The following FHIP2B variants were observed in gnomAD, a reference collection of about 807,000 sequenced individuals.
The protein encoded by FHIP2B is FHF complex subunit HOOK-interacting protein 2B.
In FHIP2B, 72 loss-of-function variants were observed where a neutral mutation model predicts 84.0. The ratio of observed to expected loss-of-function variants is 0.86; its 90% CI spans 0.71 to 1.04. The LOEUF (loss-of-function observed/expected upper bound fraction) is 1.04. Among genes scored for constraint, FHIP2B ranks in the 50% least tolerant of loss-of-function variants. FHIP2B has a pLI of 0.00. For missense variants in FHIP2B, 972 were observed against 968.9 expected, an observed-to-expected ratio of 1.00 and a Z score of -0.04; for synonymous variants, 497 against 418.7, an observed-to-expected ratio of 1.19 and a Z score of -2.28.
At chr8:22,090,153 T>TGGGC (rs1554573643) in intron 1 of FHIP2B, among the ~76,000 whole-genome samples, 2 of 97,796 alleles carry the variant, frequency 2.0e-5, no homozygotes, top group Non-Finnish European at 4.2e-5. Flanking sequence ...CCCGGTAGGG[T>TGGGC]GGGGGGGGTG....
At chr8:22,102,765 C>A in intron 16 of FHIP2B, 28 bp from the exon 17 acceptor site, 1 of 1,610,688 alleles carries the variant, frequency 6.2e-7, no homozygotes, top group Non-Finnish European at 8.5e-7. Flanking sequence ...CCCCACCCAG[C>A]CATGCCCCCT....
chr8:22,096,257 C>T (rs1586324344), intron 2 of FHIP2B, 80 bp from the exon 3 acceptor site: 1 of 1,390,408 alleles, frequency 7.2e-7, no homozygotes, highest in Non-Finnish European at 9.6e-7. Context: ...CCTTTCTGGG[C>T]TTTGGCAGGA....
At chr8:22,098,376 T>G in intron 6 of FHIP2B, 47 bp from the exon 7 acceptor site, 1 of 1,534,290 alleles carries the variant, frequency 6.5e-7, no homozygotes, top group Non-Finnish European at 8.8e-7. Flanking sequence ...GGGGGGTGAT[T>G]TGGGGGCTCA....
chr8:22,093,728 T>TTTTTTG (rs1226550760), intron 1 of FHIP2B, among the ~76,000 whole-genome samples: 12 of 134,622 alleles, frequency 8.9e-5, no homozygotes, highest in Non-Finnish European at 1.6e-4. Flanking sequence ...TTTTTTTTTT[T>TTTTTTG]TTTTTTGAGA....
chr8:22,089,157 T>A lies in FHIP2B; in HGVS notation c.-97T>A. On this transcript the variant is annotated 5_prime_UTR_variant, in exon 1 of 17. Coordinates refer to ENST00000289921, the MANE Select transcript of FHIP2B (RefSeq NM_022749.7). ...GCGGAGCGGCCGGGCCCCGCCCCCC[T>A]CGTCGCGCCGGGGCCGCCGGGGCCA... 1 of 756,540 alleles carries A rather than the reference T, an allele frequency of 1.3e-6. No homozygotes were observed. The highest frequency in any genetic ancestry group is 1.6e-6 in the Non-Finnish European group (1 of 613,802). 46.9% of individuals were successfully genotyped at this position (756,540 alleles called of 1,614,324 possible).
At chr8:22,098,662 C>T in intron 7 of FHIP2B, 43 bp downstream of exon 7, 6 of 1,490,044 alleles carry the variant, frequency 4.0e-6, no homozygotes, top group Non-Finnish European at 3.6e-6. Flanking sequence ...TCTTCAGTTG[C>T]TGGCAGCCCT....
At chr8:22,091,743 T>C (rs1407212311) in intron 1 of FHIP2B, among the ~76,000 whole-genome samples, 2 of 152,210 alleles carry the variant, frequency 1.3e-5, no homozygotes, top group Non-Finnish European at 2.9e-5. Flanking sequence ...CTCAAGGTTT[T>C]CAAAGACTAT....
At chr8:22,101,007 GTTTTA>G (rs748072733) in intron 12 of FHIP2B, 35 bp downstream of exon 12, 117 of 1,592,574 alleles carry the variant, frequency 7.3e-5, no homozygotes, top group South Asian at 4.4e-4. Context: ...AACCACTTGA[GTTTTA>G]TTTTATTTTA....
At chr8:22,089,377 G>A in intron 1 of FHIP2B, 79 bp downstream of exon 1, 1 of 876,638 alleles carries the variant, frequency 1.1e-6, no homozygotes, top group Non-Finnish European at 1.4e-6. Context: ...GCCGGGCGCG[G>A]CCCGCAGGAG....
In FHIP2B at chr8:22,103,812, C is replaced by T. The variant is rs1026590200; in HGVS notation, c.*881C>T. 2 of 152,466 alleles carry T rather than the reference C, an allele frequency of 1.3e-5. No homozygotes were observed. Among genetic ancestry groups the T allele is most frequent in the East Asian group, 3.9e-4 (2 of 5,188 alleles). The allele number at this position is 152,466 out of a possible 1,614,324, so 9.4% of individuals were successfully genotyped here. A position where few individuals can be genotyped will look rare whatever the true frequency, so the allele number is the denominator to read the frequency against. ...GGGGACAGATAAGGGAAGGACGCCC[C>T]CTGACTCCAGGCCCCTGAGCCTGGC... On this transcript the variant is annotated 3_prime_UTR_variant, in exon 17 of 17. Coordinates refer to ENST00000289921, the MANE Select transcript of FHIP2B (RefSeq NM_022749.7).
chr8:22,095,384 T>G (rs1825706254), intron 2 of FHIP2B: 1 of 152,242 alleles, frequency 6.6e-6, no homozygotes, highest in Non-Finnish European at 1.5e-5. Flanking sequence ...AATTCTGGCC[T>G]CTACCCACTA....
chr8:22,101,966 C>T, intron 14 of FHIP2B, 115 bp downstream of exon 14: 4 of 1,506,654 alleles, frequency 2.7e-6, no homozygotes, highest in Non-Finnish European at 3.5e-6. Flanking sequence ...CACCCCTGTC[C>T]TTTCCCCAGG....
rs542155258 is a variant in FHIP2B at position 22,089,509 on chromosome 8, ACCGCCCCACCTCCCCGG to A, written c.45+214_45+230del. 4.8e-3 allele frequency among the ~76,000 whole-genome samples: 725 copies of A among 151,452 alleles called. 4 individuals carry two copies. The highest frequency in any genetic ancestry group is 0.017 in the African/African-American group (700 of 41,286). ...CAGTCCCGCTCCCAGACTCCTCCCGACCGCCCCACCTCCCCGGCCTGCTCCCGCGTCGCTTCCTGTCT... is the reference window on the plus strand; with the variant it reads ...CAGTCCCGCTCCCAGACTCCTCCCGACCTGCTCCCGCGTCGCTTCCTGTCT... On this transcript the variant is annotated intron_variant, in intron 1 of 16. Coordinates refer to ENST00000289921, the MANE Select transcript of FHIP2B (RefSeq NM_022749.7).
At chr8:22,100,064 C>CTTTTT in intron 10 of FHIP2B, 171 bp downstream of exon 10, 1 of 487,170 alleles carries the variant, frequency 2.1e-6, no homozygotes, top group Non-Finnish European at 3.4e-6. Context: ...TGATCATATA[C>CTTTTT]TTTTTTTTTT....
At chr8:22,102,130 C>G in intron 14 of FHIP2B, 45 bp from the exon 15 acceptor site, 1 of 1,612,558 alleles carries the variant, frequency 6.2e-7, no homozygotes, top group Non-Finnish European at 8.5e-7. Context: ...CAAAAATACT[C>G]ACCAGCCCTG....
intron 1 of FHIP2B, 46 bp downstream of exon 1, chr8:22,089,344 A>G: frequency 1.0e-6 from 1 of 977,332 alleles, no homozygotes; most frequent in Non-Finnish European, 1.2e-6. Flanking sequence ...TCGCGGGCCT[A>G]GGCCGGGCTG....
chr8:22,089,730 G>C lies in FHIP2B; in HGVS notation c.45+432G>C, dbSNP rs752018584. 4.0e-6 allele frequency: 5 copies of C among 1,238,976 alleles called. No homozygotes were observed. The African/African-American group carries it at 6.2e-5, about 15-fold the overall frequency. 76.7% of individuals were successfully genotyped at this position (1,238,976 alleles called of 1,614,324 possible). On this transcript the variant is annotated intron_variant, in intron 1 of 16. Coordinates refer to ENST00000289921, the MANE Select transcript of FHIP2B (RefSeq NM_022749.7). ...CGCCTCGCCTGGGCTTGAAAAAATC[G>C]CCGTCCCTTCCCCTCGGTCTGATCT...
At chr8:22,092,880 G>A (rs1248876138) in intron 1 of FHIP2B, among the ~76,000 whole-genome samples, 1 of 152,072 alleles carries the variant, frequency 6.6e-6, no homozygotes, top group Non-Finnish European at 1.5e-5. Context: ...CCTCTCCTGC[G>A]GCCTCACACT....
chr8:22,102,192 G>T lies in FHIP2B; in HGVS notation c.1869G>T (p.Leu623=). ...RILDQPYSLN[L]QVTSVLSRLA... Reference sequence around the variant, plus strand: ...TCCTACAGCCATACAGCCTGAACCTGCAGGTGACCTCGGTCCTGTCCCGGC... The same window carrying T: ...TCCTACAGCCATACAGCCTGAACCTTCAGGTGACCTCGGTCCTGTCCCGGC... The change falls in exon 15 of 17, where the codon CTG becomes CTT. Residue 623 remains leucine, a synonymous_variant. Transcript: ENST00000289921. 6.2e-7 allele frequency: 1 copy of T among 1,613,542 alleles called. No individual in the cohort carries two copies. The highest frequency in any genetic ancestry group is 8.5e-7 in the Non-Finnish European group (1 of 1,179,874).
Sources: allele counts gnomAD v4.1 joint callset (sites outside exome capture counted in the v4.1 genomes callset), GRCh38; gene constraint gnomAD v4.1.1; transcripts MANE v1.5; gene names NCBI Gene and HGNC (gene_info 2026-07-23, HGNC 2026-07-21).